Variants in COL23A1 observed in about 807,000 individuals in gnomAD.
The protein encoded by COL23A1 is collagen type XXIII alpha 1 chain.
A neutral mutation model predicts 99.3 loss-of-function variants in COL23A1; 97 were observed. The observed-to-expected ratio is 0.98, with a 90% CI of 0.83 to 1.16. The LOEUF (loss-of-function observed/expected upper bound fraction) is 1.16, where lower values mean the gene tolerates loss of function less well. COL23A1 is among the 50% of genes most tolerant of loss of function. The probability of loss-of-function intolerance (pLI) is 0.00; values close to 1 mark genes in which losing one functional copy is unlikely to be tolerated. For synonymous variants in COL23A1, 320 were observed against 308.2 expected, an observed-to-expected ratio of 1.04 and a Z score of -0.40; for missense variants, 762 against 757.4, an observed-to-expected ratio of 1.01 and a Z score of -0.07.
rs1480424102 is a variant in COL23A1 at position 178,263,265 on chromosome 5, G to GA, written c.581_582insT (p.Arg195ProfsTer42). 32 of 1,613,118 alleles carry GA rather than the reference G, an allele frequency of 2.0e-5. No homozygotes were observed. The highest frequency in any genetic ancestry group is 2.7e-5 in the African/African-American group (2 of 74,812). On this transcript the variant is annotated frameshift_variant, in exon 9 of 29. Transcript: ENST00000390654. LOFTEE classifies it high-confidence loss of function. ...TCCCAGTGTCGCCAGGAGGGCCCCG[G>GA]GCCCCAGGAGGTCCAGGGGGCCCCG...
At chr5:178,461,434 G>A (rs481592) in intron 2 of COL23A1, among the ~76,000 whole-genome samples, 6,317 of 152,310 alleles carry the variant, frequency 0.041, 430 homozygotes, top group African/African-American at 0.14. Context: ...TCTAGCAGTC[G>A]CTGGGCCTGG....
At chr5:178,567,213 G>A (rs182822325) in intron 1 of COL23A1, among the ~76,000 whole-genome samples, 9 of 152,334 alleles carry the variant, frequency 5.9e-5, no homozygotes, top group Admixed American at 1.3e-4. Flanking sequence ...CTGCAGAGAA[G>A]TTCTACAAAC....
Position 178,415,513 on chromosome 5 carries a change from A to G in COL23A1, c.362-108594T>C, listed in dbSNP as rs1480499697. Among the ~76,000 whole-genome samples, 2 of 151,902 alleles carry G rather than the reference A, an allele frequency of 1.3e-5. No individual in the cohort carries two copies. Among genetic ancestry groups the G allele is most frequent in the East Asian group, 3.9e-4 (2 of 5,152 alleles). On this transcript the variant is annotated intron_variant, in intron 2 of 28. Coordinates refer to ENST00000390654, the MANE Select transcript of COL23A1 (RefSeq NM_173465.4). The surrounding 1 kb of genome is among the most constrained non-coding windows in gnomAD (Gnocchi z 4.6). ...CTGCTGCCAGCCGGCCTCCACGAAC[A>G]CTTCTACTGTCTCCTGACCTCTCCA...
intron 2 of COL23A1, among the ~76,000 whole-genome samples, chr5:178,541,717 C>T (rs1021664046): frequency 4.6e-5 from 7 of 152,216 alleles, no homozygotes; most frequent in South Asian, 2.1e-4. Context: ...GCTCTCTTCA[C>T]GACAAAAACT....
Position 178,585,907 on chromosome 5 carries a change from CT to C in COL23A1, c.294+3996del, listed in dbSNP as rs927526904. Reference sequence around the variant, plus strand: ...CTTGCCAGTGAAGGGGATGGCGACCCTGTGACCTAGCTCTGGCTAGTGGCTG... The same window carrying C: ...CTTGCCAGTGAAGGGGATGGCGACCCGTGACCTAGCTCTGGCTAGTGGCTG... On this transcript the variant is annotated intron_variant, in intron 1 of 28. Coordinates refer to ENST00000390654, the MANE Select transcript of COL23A1 (RefSeq NM_173465.4). Among the ~76,000 whole-genome samples, 9 of 152,322 alleles carry C rather than the reference CT, an allele frequency of 5.9e-5. No individual in the cohort carries two copies. In the South Asian group the frequency reaches 1.5e-3, roughly 25 times the overall value.
At chr5:178,260,437 A>C (rs1765565447) in intron 11 of COL23A1, among the ~76,000 whole-genome samples, 1 of 152,222 alleles carries the variant, frequency 6.6e-6, no homozygotes, top group South Asian at 2.1e-4. Flanking sequence ...TGAAAAGGCC[A>C]CACACTGTCT....
At chr5:178,515,719 C>T (rs1483356633) in intron 2 of COL23A1, among the ~76,000 whole-genome samples, 1 of 152,176 alleles carries the variant, frequency 6.6e-6, no homozygotes, top group Non-Finnish European at 1.5e-5. Context: ...CTACAGAGCC[C>T]TCAGCTTCCT....
At chr5:178,367,945 G>T (rs963552633) in intron 2 of COL23A1, among the ~76,000 whole-genome samples, 4 of 152,220 alleles carry the variant, frequency 2.6e-5, no homozygotes, top group Non-Finnish European at 5.9e-5. Context: ...CAGGTGGCAG[G>T]ACCTGGGAGG....
rs189817026 is a variant in COL23A1, at chr5:178,415,509, G to C, written c.362-108590C>G. Among the ~76,000 whole-genome samples the C allele has an allele frequency of 6.6e-6, 1 of 152,244 alleles. No individual in the cohort carries two copies. Among genetic ancestry groups the C allele is most frequent in the Non-Finnish European group, 1.5e-5 (1 of 68,008 alleles). The stretch of plus-strand genomic sequence containing the variant: ...CTTGCTGCTGCCAGCCGGCCTCCAC[G>C]AACACTTCTACTGTCTCCTGACCTC... On this transcript the variant is annotated intron_variant, in intron 2 of 28. Transcript: ENST00000390654. This position sits in a 1 kb window ranked among gnomAD's most constrained non-coding sequence, Gnocchi z 4.6.
chr5:178,353,406 A>G (rs1170095258), intron 2 of COL23A1, among the ~76,000 whole-genome samples: 1 of 152,250 alleles, frequency 6.6e-6, no homozygotes, highest in African/African-American at 2.4e-5. Context: ...CAAAGTAGTT[A>G]AAAGTATAAA....
intron 10 of COL23A1, among the ~76,000 whole-genome samples, 167 bp downstream of exon 10, chr5:178,262,050 A>G (rs975844185): frequency 3.3e-5 from 5 of 152,184 alleles, no homozygotes; most frequent in African/African-American, 1.2e-4. Flanking sequence ...CTGGAGGGGC[A>G]GGTGCACAGG....
At chr5:178,552,236 C>T (rs747845035) in intron 2 of COL23A1, among the ~76,000 whole-genome samples, 1 of 152,128 alleles carries the variant, frequency 6.6e-6, no homozygotes, top group Non-Finnish European at 1.5e-5. Flanking sequence ...CTGCAATTGC[C>T]TCTAAGAATC....
At chr5:178,445,489 T>C (rs577215649) in intron 2 of COL23A1, among the ~76,000 whole-genome samples, 3 of 152,308 alleles carry the variant, frequency 2.0e-5, no homozygotes, top group African/African-American at 7.2e-5. Flanking sequence ...AATTATGTAG[T>C]CAAATTCCCA....
chr5:178,253,667 G>A (rs1424185122), intron 16 of COL23A1, among the ~76,000 whole-genome samples: 1 of 151,692 alleles, frequency 6.6e-6, no homozygotes, highest in Admixed American at 6.6e-5. Context: ...ATTTTTAGGA[G>A]AGACGCGGTT....
chr5:178,515,120 G>A (rs1759431907), intron 2 of COL23A1, among the ~76,000 whole-genome samples: 1 of 152,244 alleles, frequency 6.6e-6, no homozygotes, highest in South Asian at 2.1e-4. Context: ...CAGCTGAGCT[G>A]CAGATGGGGA....
intron 3 of COL23A1, among the ~76,000 whole-genome samples, chr5:178,298,331 G>A (rs958978639): frequency 6.6e-6 from 1 of 152,218 alleles, no homozygotes; most frequent in Admixed American, 6.5e-5. Flanking sequence ...GTAAGCAGAG[G>A]TGCGTGGTGA....
chr5:178,352,031 C>T (rs1319255597), intron 2 of COL23A1: 2 of 152,266 alleles, frequency 1.3e-5, no homozygotes, highest in African/African-American at 2.4e-5. Flanking sequence ...AAATAACTTT[C>T]TGTTGTTGAA....
chr5:178,562,249 G>GA (rs777023242), intron 1 of COL23A1: 20,232 of 196,786 alleles, frequency 0.1, 420 homozygotes, highest in African/African-American at 0.2. Flanking sequence ...CTCAAAAAAA[G>GA]AAAAAAAAAA....
At chr5:178,342,320 T>C (rs978197402) in intron 2 of COL23A1, among the ~76,000 whole-genome samples, 4 of 152,200 alleles carry the variant, frequency 2.6e-5, no homozygotes, top group Admixed American at 2.6e-4. Context: ...CCAAGGTGGT[T>C]TCCTGGCATC....
Sources: allele counts gnomAD v4.1 joint callset (sites outside exome capture counted in the v4.1 genomes callset), GRCh38; gene constraint gnomAD v4.1.1; non-coding constraint Gnocchi (gnomAD v3.1); transcripts MANE v1.5; gene names NCBI Gene and HGNC (gene_info 2026-07-23, HGNC 2026-07-21).